The following CTNNA2 variants were observed in gnomAD, a reference collection of about 807,000 sequenced individuals.
The protein encoded by CTNNA2 is catenin alpha-2.
In CTNNA2, 42 loss-of-function variants were observed where a neutral mutation model predicts 101.0. That is an observed-to-expected ratio of 0.42 (90% CI 0.32 to 0.54). The LOEUF is 0.54. Ranked by LOEUF, CTNNA2 falls within the 20% of genes least tolerant of loss-of-function variation. The pLI is 0.14. For synonymous variants in CTNNA2, 450 were observed against 456.4 expected (o/e 0.99, Z 0.18); for missense variants, 871 against 1,223.1 (o/e 0.71, Z 4.29).
chr2:79,252,947 T>C (rs1674792324), intron 2 of CTNNA2, among the ~76,000 whole-genome samples: 1 of 152,130 alleles, frequency 6.6e-6, no homozygotes, highest in African/African-American at 2.4e-5. Context: ...CTCTCAGCAT[T>C]TAATAAAGAG....
Position 80,303,321 on chromosome 2 carries a change from G to A in CTNNA2, c.1057-89890G>A. 1.2e-6 allele frequency: 2 copies of A among 1,613,824 alleles called. No individual in the cohort carries two copies. The highest frequency in any genetic ancestry group is 1.7e-6 in the Non-Finnish European group (2 of 1,180,038). ...AACTGGATGGCGTTGGCCCGCATAT[G>A]CAGCGTGGTGAGCTTCCGCAGCCCG... On this transcript the variant is annotated intron_variant, in intron 7 of 18. Transcript: ENST00000402739. The surrounding 1 kb of genome is among the most constrained non-coding windows in gnomAD (Gnocchi z 7.7).
chr2:80,416,261 C>T (rs1680038468), intron 8 of CTNNA2, among the ~76,000 whole-genome samples: 1 of 151,930 alleles, frequency 6.6e-6, no homozygotes, highest in South Asian at 2.1e-4. Flanking sequence ...TATGTTAACT[C>T]AATTGTGGTA....
chr2:80,087,619 G>A (rs1438013547), intron 7 of CTNNA2, among the ~76,000 whole-genome samples: 1 of 152,042 alleles, frequency 6.6e-6, no homozygotes, highest in Non-Finnish European at 1.5e-5. Flanking sequence ...GCAACCCTGA[G>A]GAAAATGAAA....
chr2:79,659,679 G>C (rs1347972689), intron 2 of CTNNA2, among the ~76,000 whole-genome samples: 2 of 152,022 alleles, frequency 1.3e-5, no homozygotes, highest in African/African-American at 4.8e-5. Flanking sequence ...GCCTTGAAAA[G>C]TATTTCAGAT....
At chr2:79,299,726 G>A (rs1676064238) in intron 2 of CTNNA2, among the ~76,000 whole-genome samples, 1 of 152,168 alleles carries the variant, frequency 6.6e-6, no homozygotes, top group East Asian at 1.9e-4. Context: ...CAATCACACT[G>A]AGGATTTATT....
At chr2:80,375,236 G>T (rs1035185667) in intron 7 of CTNNA2, among the ~76,000 whole-genome samples, 2 of 152,192 alleles carry the variant, frequency 1.3e-5, no homozygotes, top group Admixed American at 1.3e-4. Context: ...GGTTGGGATA[G>T]CCTCGGGAAA....
In CTNNA2 at chr2:80,307,130, T is replaced by C. The variant is rs6731894; in HGVS notation, c.1057-86081T>C. ...CCTGCAAATCATTTCATCTATATGG[T>C]ATCTTTAAGCCTTTCCCACCTCTAA... On this transcript the variant is annotated intron_variant, in intron 7 of 18. Transcript: ENST00000402739. Among the ~76,000 whole-genome samples, 1,064 of 151,246 alleles carry C rather than the reference T, an allele frequency of 7.0e-3. 10 individuals are homozygous for C. The highest frequency in any genetic ancestry group is 0.024 in the African/African-American group (990 of 41,394).
chr2:80,518,602 T>A (rs563029912), intron 9 of CTNNA2, among the ~76,000 whole-genome samples: 1 of 152,240 alleles, frequency 6.6e-6, no homozygotes, highest in East Asian at 1.9e-4. Context: ...CAGTGTCGGG[T>A]TCTTAGTGAT....
chr2:80,225,329 T>C (rs138126219), intron 7 of CTNNA2, among the ~76,000 whole-genome samples: 7 of 152,288 alleles, frequency 4.6e-5, no homozygotes, highest in African/African-American at 1.4e-4. Context: ...AGGTCACACT[T>C]TGTGAAGAGA....
At chr2:80,247,571 A>T (rs576099896) in intron 7 of CTNNA2, among the ~76,000 whole-genome samples, 29 of 152,278 alleles carry the variant, frequency 1.9e-4, no homozygotes, top group African/African-American at 6.7e-4. Context: ...GATGGAGGAG[A>T]TAGTGCCACG....
chr2:79,650,172 TC>T (rs1283037713), intron 1 of CTNNA2, among the ~76,000 whole-genome samples: 4 of 6,982 alleles, frequency 5.7e-4, no homozygotes, highest in Non-Finnish European at 1.2e-3. Flanking sequence ...GTATACTTTT[TC>T]GGGGGGGGGG....
intron 4 of CTNNA2, among the ~76,000 whole-genome samples, chr2:79,410,711 A>G (rs1678399897): frequency 6.7e-6 from 1 of 149,200 alleles, no homozygotes; most frequent in African/African-American, 2.5e-5. Context: ...CCAGTATTTT[A>G]TTGAGGATTT....
At chr2:79,912,947 G>T (rs940456032) in intron 7 of CTNNA2, among the ~76,000 whole-genome samples, 1 of 152,132 alleles carries the variant, frequency 6.6e-6, no homozygotes, top group Non-Finnish European at 1.5e-5. Flanking sequence ...ATATTGTGAG[G>T]AATGCAAATT....
chr2:80,214,187 T>C, intron 7 of CTNNA2, among the ~76,000 whole-genome samples: 1 of 152,198 alleles, frequency 6.6e-6, no homozygotes, highest in East Asian at 1.9e-4. Flanking sequence ...CTGTGTCTTT[T>C]ACTTGGAGCA....
intron 7 of CTNNA2, among the ~76,000 whole-genome samples, chr2:80,331,613 T>G (rs939171685): frequency 4.6e-5 from 7 of 152,152 alleles, no homozygotes; most frequent in African/African-American, 1.7e-4. Context: ...CCTCTCTCCC[T>G]CCCTTCACTA....
intron 4 of CTNNA2, among the ~76,000 whole-genome samples, chr2:79,385,495 C>CTTTAT (rs201553740): frequency 0.064 from 9,667 of 151,070 alleles, 375 homozygotes; most frequent in East Asian, 0.1. Context: ...TAAATAGGGT[C>CTTTAT]TTTATTTTAT....
At chr2:79,223,835 A>C (rs1048003329) in intron 2 of CTNNA2, among the ~76,000 whole-genome samples, 2 of 152,212 alleles carry the variant, frequency 1.3e-5, no homozygotes, top group African/African-American at 2.4e-5. Context: ...GCTCCAAGAC[A>C]TGAGAATTGT....
intron 7 of CTNNA2, among the ~76,000 whole-genome samples, chr2:80,262,292 G>C (rs318367): frequency 1.3e-5 from 2 of 151,862 alleles, no homozygotes; most frequent in African/African-American, 4.8e-5. Context: ...CTTTCCATTT[G>C]TTAATATAAA....
chr2:79,930,376 C>T (rs1687361804), intron 7 of CTNNA2, among the ~76,000 whole-genome samples: 2 of 151,642 alleles, frequency 1.3e-5, no homozygotes, highest in South Asian at 4.2e-4. Context: ...GGGTTCTAGC[C>T]ACCTCCTCCC....
Sources: allele counts gnomAD v4.1 joint callset (sites outside exome capture counted in the v4.1 genomes callset), GRCh38; gene constraint gnomAD v4.1.1; non-coding constraint Gnocchi (gnomAD v3.1); transcripts MANE v1.5; gene names NCBI Gene and HGNC (gene_info 2026-07-23, HGNC 2026-07-21).